The following BABAM2 variants were observed in gnomAD, a reference collection of about 807,000 sequenced individuals.
BABAM2 encodes the protein BRISC and BRCA1-A complex member 2.
In BABAM2, 31 loss-of-function variants were observed where a neutral mutation model predicts 54.7. That is an observed-to-expected ratio of 0.57 (90% confidence interval 0.43 to 0.77). The LOEUF (loss-of-function observed/expected upper bound fraction) is 0.77, where lower values mean the gene tolerates loss of function less well. BABAM2 is among the 30% of genes least tolerant of loss of function. The pLI, the probability that BABAM2 is intolerant of heterozygous loss-of-function variation, is 0.00. For missense variants in BABAM2, 364 were observed against 455.8 expected (o/e 0.80, Z 1.83); for synonymous variants, 167 against 162.9 (o/e 1.03, Z -0.19).
At chr2:28,328,093 A>G (rs1690635754) in intron 11 of BABAM2, among the ~76,000 whole-genome samples, 2 of 152,196 alleles carry the variant, frequency 1.3e-5, no homozygotes, top group South Asian at 2.1e-4. Flanking sequence ...GGTGAAGGAC[A>G]TTGAAACAGA....
At chr2:27,891,684 G>A (rs60012851) in intron 1 of BABAM2, among the ~76,000 whole-genome samples, 7,581 of 147,802 alleles carry the variant, frequency 0.051, 576 homozygotes, top group African/African-American at 0.16. Context: ...GAGTCATTGT[G>A]TTCCACTCCC....
Position 28,244,834 on chromosome 2 carries a change from G to C in BABAM2, c.906G>C (p.Met302Ile). The change falls in exon 10 of 12, where the codon ATG becomes ATC. Residue 302 changes from methionine to isoleucine, a missense_variant. Physicochemically the swap from Met to Ile is conservative, Grantham distance 10. Transcript: ENST00000379624. Reference sequence around the variant, plus strand: ...TTACAAAACTCACTCTGCTGCTGATGTGGAAAGATTTTTGTTTTCTTGTAC... The same window carrying C: ...TTACAAAACTCACTCTGCTGCTGATCTGGAAAGATTTTTGTTTTCTTGTAC... The part of the protein sequence containing the change: ...EGFTKLTLLL[M>I]WKDFCFLVHI... The C allele has an allele frequency of 6.2e-7, 1 of 1,614,004 alleles. No homozygotes were observed. Among genetic ancestry groups the C allele is most frequent in the South Asian group, 1.1e-5 (1 of 91,072 alleles).
At chr2:28,172,087 A>ATG (rs10612484) in intron 7 of BABAM2, among the ~76,000 whole-genome samples, 4,089 of 149,850 alleles carry the variant, frequency 0.027, 62 homozygotes, top group Middle Eastern at 0.059. Flanking sequence ...TTTGTTTGAA[A>ATG]TGTGTGTGTG....
chr2:28,298,776 C>T (rs1457567038), intron 11 of BABAM2, among the ~76,000 whole-genome samples: 1 of 152,148 alleles, frequency 6.6e-6, no homozygotes, highest in East Asian at 1.9e-4. Context: ...TGATCTACAT[C>T]TGAAAGTGTT....
chr2:27,969,972 C>T (rs1671092175), intron 3 of BABAM2, among the ~76,000 whole-genome samples: 1 of 152,120 alleles, frequency 6.6e-6, no homozygotes, highest in South Asian at 2.1e-4. Context: ...GGTGGGTCAC[C>T]ATGGCATCTG....
chr2:28,232,679 A>G (rs1681523717), intron 7 of BABAM2, among the ~76,000 whole-genome samples: 2 of 152,192 alleles, frequency 1.3e-5, no homozygotes, highest in African/African-American at 2.4e-5. Flanking sequence ...GTGTCTAAAC[A>G]TATCTAAACA....
intron 7 of BABAM2, among the ~76,000 whole-genome samples, chr2:28,133,329 A>C (rs1170663610): frequency 6.6e-6 from 1 of 152,234 alleles, no homozygotes; most frequent in Non-Finnish European, 1.5e-5. Context: ...GAGCTATCCA[A>C]GCATTGATTA....
intron 7 of BABAM2, among the ~76,000 whole-genome samples, chr2:28,170,248 T>A (rs17759740): frequency 0.073 from 11,093 of 152,130 alleles, 585 homozygotes; most frequent in Non-Finnish European, 0.11. Flanking sequence ...TATACATGCA[T>A]GTGCTGGAAA....
intron 4 of BABAM2, among the ~76,000 whole-genome samples, chr2:28,012,638 C>T (rs1443141152): frequency 1.3e-5 from 2 of 152,126 alleles, no homozygotes; most frequent in African/African-American, 2.4e-5. Context: ...GTACTCTTCA[C>T]GGTGCTTATG....
intron 5 of BABAM2, among the ~76,000 whole-genome samples, chr2:28,041,465 T>C (rs1425426129): frequency 6.6e-6 from 1 of 152,238 alleles, no homozygotes; most frequent in Non-Finnish European, 1.5e-5. Flanking sequence ...TTCACAGTTG[T>C]TCCACATAGA....
intron 6 of BABAM2, among the ~76,000 whole-genome samples, chr2:28,076,136 A>T (rs1664639607): frequency 6.6e-6 from 1 of 151,980 alleles, no homozygotes; most frequent in Admixed American, 6.6e-5. Flanking sequence ...TTAACTGGGC[A>T]TGGTGGCATG....
intron 10 of BABAM2, among the ~76,000 whole-genome samples, chr2:28,281,828 C>T (rs1361414195): frequency 6.6e-6 from 1 of 152,206 alleles, no homozygotes; most frequent in African/African-American, 2.4e-5. Flanking sequence ...ATCTTGAAGA[C>T]ACAAATGAGA....
intron 4 of BABAM2, among the ~76,000 whole-genome samples, chr2:28,007,934 A>T (rs1282178991): frequency 6.6e-6 from 1 of 152,134 alleles, no homozygotes; most frequent in Non-Finnish European, 1.5e-5. Flanking sequence ...CAGTATCTTT[A>T]TTGACCCTGG....
chr2:28,179,539 C>T (rs1675392905), intron 7 of BABAM2, among the ~76,000 whole-genome samples: 1 of 152,140 alleles, frequency 6.6e-6, no homozygotes, highest in African/African-American at 2.4e-5. Context: ...TGGGGAAAAG[C>T]TGAAAGCCTT....
chr2:27,928,711 G>A (rs752154578), intron 2 of BABAM2, among the ~76,000 whole-genome samples: 12 of 151,834 alleles, frequency 7.9e-5, no homozygotes, highest in East Asian at 1.9e-4. Context: ...CCTTGCTTTC[G>A]TTTGTAAATT....
chr2:27,967,913 A>G (rs1325038821), intron 3 of BABAM2, among the ~76,000 whole-genome samples: 1 of 152,238 alleles, frequency 6.6e-6, no homozygotes, highest in Non-Finnish European at 1.5e-5. Flanking sequence ...GCAGCAAAGC[A>G]TTCAAAAGGT....
At chr2:27,988,123 T>C (rs1672533080) in intron 4 of BABAM2, 36 bp downstream of exon 4, 1 of 1,589,008 alleles carries the variant, frequency 6.3e-7, no homozygotes, top group Admixed American at 1.7e-5. Flanking sequence ...GATCTTTCTT[T>C]GGTGAAAGGA....
Position 28,255,947 on chromosome 2 carries a change from T to C in BABAM2, c.934+11085T>C, listed in dbSNP as rs1683937859. ...TCCCAAAGTGCTGAGATTACAGGTG[T>C]GTGCCACCACGCCTGGCCTAGCTCA... is the stretch of plus-strand genomic sequence containing the variant. On this transcript the variant is annotated intron_variant, in intron 10 of 11. Transcript: ENST00000379624. Among the ~76,000 whole-genome samples, 4 of 152,322 alleles carry C rather than the reference T, an allele frequency of 2.6e-5. No homozygotes were observed. In the South Asian group the frequency reaches 8.3e-4, roughly 32 times the overall value.
In BABAM2 at chr2:28,118,088, G is replaced by A. The variant is rs188340871; in HGVS notation, c.571-11183G>A. Among the ~76,000 whole-genome samples the A allele has an allele frequency of 1.1e-4, 17 of 152,304 alleles. 1 individual carries two copies. The Middle Eastern group carries it at 0.01, about 91-fold the overall frequency. ...GCACAAGGTTTTTATCAGCAGGAAT[G>A]CATAACATCACAACTCAGAGAAACT... On this transcript the variant is annotated intron_variant, in intron 6 of 11. Transcript: ENST00000379624.
Sources: gnomAD v4.1 joint callset for allele counts (sites outside exome capture counted in the v4.1 genomes callset) on GRCh38, gnomAD v4.1.1 for gene constraint, MANE v1.5 for transcripts, NCBI Gene and HGNC (gene_info 2026-07-23, HGNC 2026-07-21) for gene names.